DTNBP1: variants seen among roughly 807,000 people sequenced by gnomAD.
The protein encoded by DTNBP1 is dystrobrevin binding protein 1.
DTNBP1 carries 35 observed loss-of-function variants against 42.8 expected under a neutral mutation model. The ratio of observed to expected loss-of-function variants is 0.82; its 90% confidence interval spans 0.63 to 1.09. DTNBP1 has a LOEUF of 1.09. DTNBP1 is among the 50% of genes least tolerant of loss of function. The probability of loss-of-function intolerance (pLI) is 0.00; values close to 1 mark genes in which losing one functional copy is unlikely to be tolerated. For synonymous variants in DTNBP1, 171 were observed against 162.2 expected (o/e 1.05, Z -0.41); for missense variants, 457 against 424.2 (o/e 1.08, Z -0.68).
At chr6:15,523,874 T>C (rs1772131335) in intron 9 of DTNBP1, 2 of 1,287,046 alleles carry the variant, frequency 1.6e-6, no homozygotes, top group South Asian at 1.2e-5. Context: ...GCTGAAACCG[T>C]GGTAATGGTA....
intron 7 of DTNBP1, among the ~76,000 whole-genome samples, chr6:15,539,971 G>A (rs989364972): frequency 1.3e-5 from 2 of 152,100 alleles, no homozygotes; most frequent in Non-Finnish European, 2.9e-5. Context: ...TAGCAAATAC[G>A]AATCACCAAG....
intron 8 of DTNBP1, 101 bp downstream of exon 8, chr6:15,533,139 T>C (rs186662424): frequency 1.9e-6 from 3 of 1,565,384 alleles, no homozygotes; most frequent in African/African-American, 2.7e-5. Context: ...AGAACGGAAC[T>C]TCTGAGGATT....
intron 7 of DTNBP1, among the ~76,000 whole-genome samples, chr6:15,589,401 C>T (rs1315536613): frequency 2.0e-5 from 3 of 152,198 alleles, no homozygotes; most frequent in African/African-American, 7.2e-5. Context: ...GGTACCTCAC[C>T]TGTACCATTC....
intron 8 of DTNBP1, among the ~76,000 whole-genome samples, chr6:15,528,775 G>A (rs557016302): frequency 6.6e-6 from 1 of 152,274 alleles, no homozygotes; most frequent in South Asian, 2.1e-4. Flanking sequence ...TCCTCTCCTA[G>A]TTATATACCC....
At chr6:15,611,205 G>T (rs1013475179) in intron 6 of DTNBP1, among the ~76,000 whole-genome samples, 1 of 152,106 alleles carries the variant, frequency 6.6e-6, no homozygotes, top group Non-Finnish European at 1.5e-5. Context: ...AAAATCCATA[G>T]AATTATGCTA....
At position 15,622,652 on chromosome 6, in the gene DTNBP1, T is replaced by C. The variant is rs1436854230; in HGVS notation, c.355+4691A>G. 5.9e-5 allele frequency among the ~76,000 whole-genome samples: 9 copies of C among 152,206 alleles called. No homozygotes were observed. In the South Asian group the frequency reaches 1.7e-3, roughly 28 times the overall value. On this transcript the variant is annotated intron_variant, in intron 5 of 9. Coordinates refer to ENST00000344537, the MANE Select transcript of DTNBP1 (RefSeq NM_032122.5). The stretch of plus-strand genomic sequence containing the variant: ...GCTCAAGCCTCACCATTTTGCTCGC[T>C]ATAACAACCGCATATGTCTCATTTA...
intron 3 of DTNBP1, among the ~76,000 whole-genome samples, chr6:15,644,364 C>T (rs1414355771): frequency 6.6e-6 from 1 of 152,096 alleles, no homozygotes; most frequent in Non-Finnish European, 1.5e-5. Flanking sequence ...CCACCAGCAG[C>T]ACTAGACAGA....
At chr6:15,535,090 G>C (rs9383064) in intron 7 of DTNBP1, among the ~76,000 whole-genome samples, 36,372 of 151,620 alleles carry the variant, frequency 0.24, 4,937 homozygotes, top group East Asian at 0.41. Flanking sequence ...GGGGAGGGAA[G>C]TGATTGGGTC....
chr6:15,653,183 C>A (rs1358446662), intron 1 of DTNBP1, among the ~76,000 whole-genome samples: 1 of 152,184 alleles, frequency 6.6e-6, no homozygotes, highest in Non-Finnish European at 1.5e-5. Flanking sequence ...TTACAAACTT[C>A]TTTCATTAAA....
At chr6:15,549,489 AT>A (rs200396295) in intron 7 of DTNBP1, among the ~76,000 whole-genome samples, 2,385 of 117,146 alleles carry the variant, frequency 0.02, 253 homozygotes, top group African/African-American at 0.086. Context: ...TGTCTCAGGG[AT>A]TAAAAAAAAA....
chr6:15,637,399 GAAAGAGATGTCTTATATAGGGTAT>G (rs1458194838), intron 4 of DTNBP1, among the ~76,000 whole-genome samples: 1 of 152,120 alleles, frequency 6.6e-6, no homozygotes, highest in Non-Finnish European at 1.5e-5. Flanking sequence ...AAATAGTGTA[GAAAGAGATGTCTTATATAGGGTAT>G]AAAGAGATGT....
chr6:15,614,979 A>G, intron 6 of DTNBP1: 1 of 487,364 alleles, frequency 2.1e-6, no homozygotes, highest in Non-Finnish European at 3.8e-6. Flanking sequence ...CCTCTTGGAG[A>G]AAACTAGCTC....
chr6:15,638,641 T>C (rs181065375), intron 3 of DTNBP1, among the ~76,000 whole-genome samples: 20 of 152,254 alleles, frequency 1.3e-4, no homozygotes, highest in African/African-American at 4.3e-4. Context: ...GGCAGACACA[T>C]CCTTAATAAA....
chr6:15,637,660 A>G (rs1760107726), intron 4 of DTNBP1, 84 bp downstream of exon 4: 2 of 1,432,172 alleles, frequency 1.4e-6, no homozygotes, highest in Non-Finnish European at 2.0e-6. Context: ...GACACAAACA[A>G]TTATAAATTC....
chr6:15,551,677 C>T (rs1206247450), intron 7 of DTNBP1, among the ~76,000 whole-genome samples: 2 of 152,158 alleles, frequency 1.3e-5, no homozygotes, highest in Non-Finnish European at 2.9e-5. Flanking sequence ...ACACACTTGC[C>T]CCCTATAGTT....
intron 5 of DTNBP1, among the ~76,000 whole-genome samples, chr6:15,623,671 G>C (rs1040274841): frequency 6.6e-6 from 1 of 152,094 alleles, no homozygotes; most frequent in Non-Finnish European, 1.5e-5. Context: ...CAAAGACAAG[G>C]CTTTAACATT....
At chr6:15,644,574 C>G (rs1760565751) in intron 3 of DTNBP1, among the ~76,000 whole-genome samples, 2 of 152,074 alleles carry the variant, frequency 1.3e-5, no homozygotes, top group Non-Finnish European at 2.9e-5. Flanking sequence ...AAAATCATAT[C>G]AAGCATCTTC....
At position 15,556,862 on chromosome 6, in the gene DTNBP1, T is replaced by C. The variant is rs768085709; in HGVS notation, c.512-23467A>G. On this transcript the variant is annotated intron_variant, in intron 7 of 9. Transcript: ENST00000344537. Reference sequence around the variant, plus strand: ...TCTTCCATCCTGCCCAGGGACCACATGTTGAAACTCCTGGTCAGAGGTCAT... The same window carrying C: ...TCTTCCATCCTGCCCAGGGACCACACGTTGAAACTCCTGGTCAGAGGTCAT... Among the ~76,000 whole-genome samples the C allele has an allele frequency of 2.6e-5, 4 of 152,196 alleles. No individual in the cohort carries two copies. In the East Asian group the frequency reaches 7.7e-4, roughly 29 times the overall value.
intron 7 of DTNBP1, among the ~76,000 whole-genome samples, chr6:15,559,603 G>A (rs891636262): frequency 6.6e-6 from 1 of 152,122 alleles, no homozygotes; most frequent in Non-Finnish European, 1.5e-5. Flanking sequence ...ATGCACTATA[G>A]GTTTCTGAAT....
Sources: gnomAD v4.1 joint callset for allele counts (sites outside exome capture counted in the v4.1 genomes callset) on GRCh38, gnomAD v4.1.1 for gene constraint, MANE v1.5 for transcripts, NCBI Gene and HGNC (gene_info 2026-07-23, HGNC 2026-07-21) for gene names.